PSD3: variants seen among roughly 807,000 people sequenced by gnomAD.
The protein encoded by PSD3 is pleckstrin and Sec7 domain containing 3.
PSD3 carries 49 observed loss-of-function variants against 105.5 expected under a neutral mutation model. The observed-to-expected ratio is 0.46, with a 90% CI of 0.37 to 0.59. The LOEUF is 0.59. Ranked by LOEUF, PSD3 falls within the 20% of genes least tolerant of loss-of-function variation. The pLI is 0.00. For synonymous variants in PSD3, 557 were observed against 457.8 expected (o/e 1.22, Z -2.77); for missense variants, 1,561 against 1,263.8 (o/e 1.24, Z -3.57).
chr8:19,005,100 C>G (rs759177770), intron 1 of PSD3, among the ~76,000 whole-genome samples: 3 of 151,932 alleles, frequency 2.0e-5, no homozygotes, highest in African/African-American at 4.8e-5. Flanking sequence ...AAAGCAAAAC[C>G]ACAATGAGAT....
chr8:18,916,040 G>A (rs376665796), intron 2 of PSD3, among the ~76,000 whole-genome samples: 2 of 151,960 alleles, frequency 1.3e-5, no homozygotes, highest in African/African-American at 2.4e-5. Flanking sequence ...AGGTTGCAGT[G>A]AGCGGAGATC....
At chr8:18,936,183 T>C (rs1225153783) in intron 1 of PSD3, 41 bp from the exon 2 acceptor site, 2 of 1,332,874 alleles carry the variant, frequency 1.5e-6, no homozygotes, top group Non-Finnish European at 2.1e-6. Context: ...TTAAAATACA[T>C]CATTAAAAAA....
chr8:18,783,066 C>G (rs2129445463), intron 8 of PSD3, among the ~76,000 whole-genome samples: 1 of 152,232 alleles, frequency 6.6e-6, no homozygotes, highest in Non-Finnish European at 1.5e-5. Context: ...TGTAAAAAAA[C>G]TGATGTTAAA....
chr8:18,669,740 G>C (rs1474322287), intron 9 of PSD3, among the ~76,000 whole-genome samples: 2 of 152,240 alleles, frequency 1.3e-5, no homozygotes, highest in Non-Finnish European at 2.9e-5. Context: ...TGGCAGTTAA[G>C]TGAAACCATG....
At chr8:18,731,124 C>A (rs1385178815) in intron 9 of PSD3, among the ~76,000 whole-genome samples, 1 of 66,470 alleles carries the variant, frequency 1.5e-5, no homozygotes, top group Non-Finnish European at 3.7e-5. Flanking sequence ...GACGTGGGGG[C>A]GGGCAGCTGA....
chr8:18,875,422 AT>A (rs1454601949), intron 2 of PSD3, among the ~76,000 whole-genome samples: 2 of 152,140 alleles, frequency 1.3e-5, no homozygotes, highest in African/African-American at 4.8e-5. Flanking sequence ...GAATATTGAT[AT>A]TTTATGTCTT....
chr8:18,662,777 C>G (rs1585542084), intron 9 of PSD3, among the ~76,000 whole-genome samples: 1 of 152,334 alleles, frequency 6.6e-6, no homozygotes, highest in East Asian at 1.9e-4. Flanking sequence ...TCCTGTGTTC[C>G]TCACTAAATA....
intron 2 of PSD3, among the ~76,000 whole-genome samples, chr8:18,912,290 A>G (rs1313382419): frequency 6.6e-6 from 1 of 152,212 alleles, no homozygotes; most frequent in Non-Finnish European, 1.5e-5. Flanking sequence ...TAACTCCGAA[A>G]CAAATCTGAA....
intron 4 of PSD3, among the ~76,000 whole-genome samples, chr8:18,842,017 C>T (rs1286104942): frequency 1.3e-5 from 2 of 152,178 alleles, no homozygotes; most frequent in East Asian, 1.9e-4. Context: ...CAGTGGATGG[C>T]TCTCCTCTGC....
chr8:18,847,876 T>C (rs1815227433), intron 4 of PSD3, among the ~76,000 whole-genome samples: 2 of 152,258 alleles, frequency 1.3e-5, no homozygotes, highest in Non-Finnish European at 2.9e-5. Context: ...CCTCCATGAA[T>C]GGCTAGTGAG....
At chr8:18,722,587 G>T (rs1049638756) in intron 9 of PSD3, among the ~76,000 whole-genome samples, 1 of 152,078 alleles carries the variant, frequency 6.6e-6, no homozygotes. Flanking sequence ...CCACCTGAAG[G>T]AAGTACAGAT....
chr8:19,051,735 C>T (rs753209646), intron 1 of PSD3, among the ~76,000 whole-genome samples: 5 of 152,204 alleles, frequency 3.3e-5, no homozygotes, highest in Non-Finnish European at 7.3e-5. Context: ...CCCTACTAGA[C>T]TGCTGGCAGG....
intron 4 of PSD3, among the ~76,000 whole-genome samples, chr8:18,857,009 G>A (rs139131903): frequency 1.9e-4 from 29 of 152,288 alleles, no homozygotes; most frequent in Admixed American, 7.2e-4. Flanking sequence ...CCAACCATAC[G>A]TTTCCTAAGC....
chr8:18,785,319 C>T (rs1210463348), intron 8 of PSD3, among the ~76,000 whole-genome samples: 3 of 152,166 alleles, frequency 2.0e-5, no homozygotes, highest in Non-Finnish European at 2.9e-5. Context: ...TCAGATTCTA[C>T]ATTAGCACTT....
intron 15 of PSD3, among the ~76,000 whole-genome samples, chr8:18,546,053 T>A (rs1043100426): frequency 6.6e-6 from 1 of 152,216 alleles, no homozygotes; most frequent in African/African-American, 2.4e-5. Context: ...CAGGCTATAG[T>A]GCAATGGTGC....
At chr8:18,664,181 A>G (rs937469546) in intron 9 of PSD3, among the ~76,000 whole-genome samples, 2 of 152,214 alleles carry the variant, frequency 1.3e-5, no homozygotes, top group African/African-American at 4.8e-5. Context: ...CTTTAAATCA[A>G]AAGCTAGAAA....
chr8:18,958,734 T>C (rs1431978400), intron 1 of PSD3, among the ~76,000 whole-genome samples: 1 of 152,204 alleles, frequency 6.6e-6, no homozygotes, highest in Admixed American at 6.5e-5. Context: ...TAAAATTATA[T>C]GCAATAAATG....
chr8:19,015,447 G>T (rs917464643), upstream of PSD3, among the ~76,000 whole-genome samples: 2 of 152,158 alleles, frequency 1.3e-5, no homozygotes, highest in African/African-American at 4.8e-5. Context: ...ATACCCTACA[G>T]AGACAGTCCC....
At chr8:18,968,565 G>A (rs1369440377) in intron 1 of PSD3, among the ~76,000 whole-genome samples, 1 of 152,146 alleles carries the variant, frequency 6.6e-6, no homozygotes, top group Non-Finnish European at 1.5e-5. Flanking sequence ...CACCTAGCTT[G>A]CAGAGCATAC....
Sources: allele counts gnomAD v4.1 joint callset (sites outside exome capture counted in the v4.1 genomes callset), GRCh38; gene constraint gnomAD v4.1.1; transcripts MANE v1.5; gene names NCBI Gene and HGNC (gene_info 2026-07-23, HGNC 2026-07-21).